Variants in XIRP2 observed in about 807,000 individuals in gnomAD.
The protein encoded by XIRP2 is xin actin binding repeat containing 2, also known as xin actin-binding repeat-containing protein 2.
XIRP2 carries 236 observed loss-of-function variants against 277.0 expected under a neutral mutation model. That is an observed-to-expected ratio of 0.85 (90% CI 0.77 to 0.95). The LOEUF (loss-of-function observed/expected upper bound fraction) is 0.95. Ranked by LOEUF, XIRP2 falls within the 40% of genes least tolerant of loss-of-function variation. XIRP2 has a pLI of 0.00. For missense variants in XIRP2, 4,640 were observed against 4,157.5 expected, an observed-to-expected ratio of 1.12 and a Z score of -3.19; for synonymous variants, 1,490 against 1,416.5, an observed-to-expected ratio of 1.05 and a Z score of -1.17.
intron 2 of XIRP2, among the ~76,000 whole-genome samples, chr2:167,132,344 A>G (rs1355489193): frequency 6.6e-6 from 1 of 152,160 alleles, no homozygotes; most frequent in Non-Finnish European, 1.5e-5. Flanking sequence ...TCTAGTGGGT[A>G]GAGACCAGGA....
rs1165629311 is a variant in XIRP2 at position 167,242,706 on chromosome 2, G to T, written c.1314G>T (p.Leu438=). ...ATCACAGTGTCACTTCCTCAACTCTGGCACAAATTAATGCTACTTCTTCAG... is the reference window on the plus strand; with the variant it reads ...ATCACAGTGTCACTTCCTCAACTCTTGCACAAATTAATGCTACTTCTTCAG... ...YSDHSVTSST[L]AQINATSSGM... Residue 438 remains leucine (L), a synonymous_variant, in exon 9 of 11, where the codon CTG becomes CTT. Transcript: ENST00000409195. 2 of 1,613,892 alleles carry T rather than the reference G, an allele frequency of 1.2e-6. No individual in the cohort carries two copies. Among genetic ancestry groups the T allele is most frequent in the African/African-American group, 2.7e-5 (2 of 74,888 alleles).
chr2:166,996,029 C>A (rs1687212235), intron 2 of XIRP2, among the ~76,000 whole-genome samples: 1 of 152,176 alleles, frequency 6.6e-6, no homozygotes. Context: ...TCTTGAATAG[C>A]ATGACCAAGG....
chr2:167,003,216 C>A (rs1687417277), intron 2 of XIRP2, among the ~76,000 whole-genome samples: 1 of 142,176 alleles, frequency 7.0e-6, no homozygotes, highest in African/African-American at 2.7e-5. Context: ...TTGTGTAGGA[C>A]TGGCATAGGT....
intron 2 of XIRP2, among the ~76,000 whole-genome samples, chr2:166,942,803 G>A (rs1480128587): frequency 6.6e-6 from 1 of 152,028 alleles, no homozygotes; most frequent in Non-Finnish European, 1.5e-5. Flanking sequence ...TAAAAGCCTT[G>A]AAGAGAGACT....
chr2:166,914,636 C>G (rs1175539350), intron 2 of XIRP2, among the ~76,000 whole-genome samples: 1 of 152,182 alleles, frequency 6.6e-6, no homozygotes, highest in Admixed American at 6.5e-5. Flanking sequence ...GCCAACACAC[C>G]TGGACTAAAC....
At chr2:166,981,799 T>C (rs1686877051) in intron 2 of XIRP2, among the ~76,000 whole-genome samples, 1 of 152,324 alleles carries the variant, frequency 6.6e-6, no homozygotes. Context: ...ACGAAGACCC[T>C]ATTTCCAAAT....
chr2:167,235,053 C>T (rs1404386469), intron 5 of XIRP2, among the ~76,000 whole-genome samples: 1 of 151,784 alleles, frequency 6.6e-6, no homozygotes, highest in African/African-American at 2.4e-5. Context: ...TGTGTTTGCT[C>T]TCTTTGTACA....
In XIRP2 at chr2:167,246,354, A is replaced by C. The variant is rs1284979123; in HGVS notation, c.4962A>C (p.Ile1654=). 1 of 1,613,074 alleles carries C rather than the reference A, an allele frequency of 6.2e-7. No homozygotes were observed. The highest frequency in any genetic ancestry group is 1.1e-5 in the South Asian group (1 of 90,890). Residue 1654 remains isoleucine, a synonymous_variant, in exon 9 of 11, where the codon ATA becomes ATC. Coordinates refer to ENST00000409195, the MANE Select transcript of XIRP2 (RefSeq NM_152381.6). ...STEFHAEKEE[I]VKGDVQQAIK... ...AATTTCATGCTGAAAAAGAAGAGAT[A>C]GTGAAAGGTGATGTACAACAAGCAA...
At chr2:167,205,304 G>A (rs1693824226) in intron 3 of XIRP2, among the ~76,000 whole-genome samples, 1 of 152,094 alleles carries the variant, frequency 6.6e-6, no homozygotes, top group African/African-American at 2.4e-5. Flanking sequence ...TTTGTTTAGT[G>A]AGAATGAATA....
At position 167,031,143 on chromosome 2, in the gene XIRP2, T is replaced by A. The variant is rs147759425; in HGVS notation, c.409-104766T>A. Among the ~76,000 whole-genome samples the A allele has an allele frequency of 2.7e-3, 412 of 152,220 alleles. 3 individuals are homozygous for A. The highest frequency in any genetic ancestry group is 9.4e-3 in the African/African-American group (390 of 41,548). On this transcript the variant is annotated intron_variant, in intron 2 of 10. Transcript: ENST00000409195. ...AGCACACCAATGGGTCTTGACTCTATCCAATTTGCCAGTCTTTGACTTTTG... is the reference window on the plus strand; with the variant it reads ...AGCACACCAATGGGTCTTGACTCTAACCAATTTGCCAGTCTTTGACTTTTG...
At chr2:167,056,090 G>T (rs913145375) in intron 2 of XIRP2, among the ~76,000 whole-genome samples, 4 of 151,996 alleles carry the variant, frequency 2.6e-5, no homozygotes, top group African/African-American at 9.7e-5. Flanking sequence ...ACAATAAAAA[G>T]TAGACCAGTT....
chr2:167,119,041 G>A (rs1026498955), intron 2 of XIRP2, among the ~76,000 whole-genome samples: 5 of 152,110 alleles, frequency 3.3e-5, no homozygotes, highest in African/African-American at 9.7e-5. Flanking sequence ...TAAGCAGCAA[G>A]GAAGGTGTTG....
chr2:167,007,693 T>A (rs1467783913), intron 2 of XIRP2, among the ~76,000 whole-genome samples: 347 of 118,358 alleles, frequency 2.9e-3, no homozygotes, highest in African/African-American at 0.012. Flanking sequence ...TCTCTCTCTC[T>A]CTCTCTCTCT....
chr2:166,904,619 C>T (rs958321357), intron 2 of XIRP2, among the ~76,000 whole-genome samples: 10 of 152,018 alleles, frequency 6.6e-5, no homozygotes, highest in Non-Finnish European at 1.2e-4. Context: ...TATACTTTTG[C>T]GGTAATTAAA....
chr2:167,079,329 A>G (rs1689667483), intron 2 of XIRP2, among the ~76,000 whole-genome samples: 1 of 152,146 alleles, frequency 6.6e-6, no homozygotes, highest in Non-Finnish European at 1.5e-5. Flanking sequence ...TTTTGGTATC[A>G]GAGTGATACT....
rs753742873 is a variant in XIRP2 at position 167,247,953 on chromosome 2, G to A, written c.6561G>A (p.Leu2187=). 2 of 1,608,820 alleles carry A rather than the reference G, an allele frequency of 1.2e-6. No individual in the cohort carries two copies. The highest frequency in any genetic ancestry group is 1.7e-5 in the Admixed American group (1 of 58,944). ...DLSGDFQKQT[L]LKQETKYSNK... ...CAGGGGACTTTCAGAAGCAAACTTT[G>A]TTAAAGCAAGAAACAAAATATTCTA... The change falls in exon 9 of 11, where the codon TTG becomes TTA. Residue 2187 remains leucine (L), a synonymous_variant. Coordinates refer to ENST00000409195, the MANE Select transcript of XIRP2 (RefSeq NM_152381.6).
At chr2:167,156,229 C>A (rs1692192637) in intron 3 of XIRP2, among the ~76,000 whole-genome samples, 1 of 151,974 alleles carries the variant, frequency 6.6e-6, no homozygotes, top group Non-Finnish European at 1.5e-5. Context: ...ACTTTCTTCA[C>A]AGAATTGGAA....
chr2:167,251,140 G>C lies in XIRP2; in HGVS notation c.9748G>C (p.Gly3250Arg). The C allele has an allele frequency of 6.2e-7, 1 of 1,613,436 alleles. No individual in the cohort carries two copies. Among genetic ancestry groups the C allele is most frequent in the East Asian group, 2.2e-5 (1 of 44,834 alleles). Residue 3250 changes from glycine (G) to arginine (R), a missense_variant, in exon 9 of 11, where the codon GGT becomes CGT. Transcript: ENST00000409195. ...IPVNINHAAS[G>R]SFRESVDAQE... The stretch of plus-strand genomic sequence containing the variant: ...AGTAAATATAAATCATGCTGCTAGT[G>C]GTTCCTTCAGAGAATCTGTGGACGC...
chr2:167,246,018 A>G lies in XIRP2; in HGVS notation c.4626A>G (p.Val1542=), dbSNP rs761658604. 19 of 1,613,224 alleles carry G rather than the reference A, an allele frequency of 1.2e-5. No individual in the cohort carries two copies. Among genetic ancestry groups the G allele is most frequent in the Non-Finnish European group, 1.4e-5 (17 of 1,179,678 alleles). ...TTCATGAATTTAATGAAACTAGAGT[A>G]GAAAAGATAGAAATTATTGGCAAGA... The part of the protein sequence containing the change: ...TPLHEFNETR[V]EKIEIIGKSI... The change falls in exon 9 of 11, where the codon GTA becomes GTG. Residue 1542 remains valine, a synonymous_variant. Transcript: ENST00000409195.
Sources: allele counts gnomAD v4.1 joint callset (sites outside exome capture counted in the v4.1 genomes callset), GRCh38; gene constraint gnomAD v4.1.1; transcripts MANE v1.5; gene names NCBI Gene and HGNC (gene_info 2026-07-23, HGNC 2026-07-21).